Variants in HSPBAP1 observed in about 807,000 individuals in gnomAD.
HSPBAP1 encodes HSPB1-associated protein 1.
Under a neutral mutation model 45.2 loss-of-function variants are expected in HSPBAP1, and 27 were observed. The ratio of observed to expected loss-of-function variants is 0.60; its 90% CI spans 0.44 to 0.82. The LOEUF (loss-of-function observed/expected upper bound fraction) is 0.82. HSPBAP1 is among the 40% of genes least tolerant of loss of function. The pLI, the probability that HSPBAP1 is intolerant of heterozygous loss-of-function variation, is 0.00. For synonymous variants in HSPBAP1, 204 were observed against 202.7 expected, an observed-to-expected ratio of 1.01 and a Z score of -0.06; for missense variants, 510 against 590.9, an observed-to-expected ratio of 0.86 and a Z score of 1.42.
intron 3 of HSPBAP1, among the ~76,000 whole-genome samples, chr3:122,762,869 C>T (rs1001230996): frequency 9.2e-5 from 14 of 152,092 alleles, no homozygotes; most frequent in African/African-American, 3.1e-4. Flanking sequence ...TTATAAATGT[C>T]AATTAAATCA....
chr3:122,766,906 A>C (rs1305813865), intron 3 of HSPBAP1, among the ~76,000 whole-genome samples: 2 of 152,238 alleles, frequency 1.3e-5, no homozygotes, highest in Non-Finnish European at 2.9e-5. Flanking sequence ...AAATTCCCCC[A>C]AAAAGTAAGT....
Position 122,793,608 on chromosome 3 carries a change from G to A in HSPBAP1, c.64+9C>T, listed in dbSNP as rs376849663. 2 of 1,613,426 alleles carry A rather than the reference G, an allele frequency of 1.2e-6. No individual in the cohort carries two copies. The highest frequency in any genetic ancestry group is 1.7e-6 in the Non-Finnish European group (2 of 1,179,660). ...TGTACTCAGGGTCGGACCTCAGCCT[G>A]GCACCTACCTTCCTCCCCTCCAGCC... On this transcript the variant is annotated intron_variant, in intron 1 of 7. Coordinates refer to ENST00000306103, the MANE Select transcript of HSPBAP1 (RefSeq NM_024610.6).
intron 6 of HSPBAP1, among the ~76,000 whole-genome samples, chr3:122,750,401 T>C (rs910526769): frequency 2.0e-5 from 3 of 152,234 alleles, no homozygotes; most frequent in Admixed American, 1.3e-4. Flanking sequence ...GTCTGATGAT[T>C]GGGTGTCATG....
intron 2 of HSPBAP1, 36 bp from the exon 3 acceptor site, chr3:122,768,918 T>TTTAAG: frequency 8.0e-7 from 1 of 1,253,018 alleles, no homozygotes. Context: ...AAATGTATAA[T>TTTAAG]GAACACATTT....
At chr3:122,756,850 T>G (rs567909751) in intron 4 of HSPBAP1, among the ~76,000 whole-genome samples, 3 of 152,200 alleles carry the variant, frequency 2.0e-5, no homozygotes, top group Admixed American at 6.5e-5. Flanking sequence ...TCCATTCCAC[T>G]GTATGATTAG....
At chr3:122,746,352 A>C (rs532419228) in intron 6 of HSPBAP1, among the ~76,000 whole-genome samples, 72 of 152,040 alleles carry the variant, frequency 4.7e-4, no homozygotes, top group South Asian at 8.3e-4. Context: ...CACATTAAAA[A>C]AACAGAGGCA....
At chr3:122,772,585 T>C (rs1935039417) in intron 2 of HSPBAP1, among the ~76,000 whole-genome samples, 1 of 151,996 alleles carries the variant, frequency 6.6e-6, no homozygotes, top group African/African-American at 2.4e-5. Flanking sequence ...ATTTAGCTAT[T>C]TGTGTAAAAA....
intron 3 of HSPBAP1, 123 bp from the exon 4 acceptor site, chr3:122,759,483 A>G: frequency 1.8e-6 from 2 of 1,088,050 alleles, no homozygotes; most frequent in Non-Finnish European, 2.7e-6. Context: ...GGAAAATGCT[A>G]CAGATGGAAG....
chr3:122,743,051 T>G (rs970763188), intron 6 of HSPBAP1, among the ~76,000 whole-genome samples: 3 of 152,174 alleles, frequency 2.0e-5, no homozygotes, highest in Admixed American at 2.0e-4. Context: ...GAAGATACAG[T>G]CAGATAACCA....
At position 122,768,702 on chromosome 3, in the gene HSPBAP1, T is replaced by C. The variant is rs771210564; in HGVS notation, c.431A>G (p.Gln144Arg). 1.9e-6 allele frequency: 3 copies of C among 1,604,742 alleles called. No homozygotes were observed. The African/African-American group carries it at 4.0e-5, about 21-fold the overall frequency. ...ATTAGAAGGAAGGTTCTGACTTACC[T>C]GGAAAAGATCTGTCTTGTCTTCAAA... ...SLFEDKTDLFQDVKWSDFGFP... is the reference protein window; with the variant it reads ...SLFEDKTDLFRDVKWSDFGFP... Residue 144 changes from glutamine (Q) to arginine (R), a missense_variant and splice_region_variant, in exon 3 of 8, where the codon CAG (glutamine) becomes CGG (arginine). Coordinates refer to ENST00000306103, the MANE Select transcript of HSPBAP1 (RefSeq NM_024610.6).
chr3:122,741,000 T>C lies in HSPBAP1; in HGVS notation c.936+3A>G, dbSNP rs1301086259. Reference sequence around the variant, plus strand: ...GCCATGATGAAGACCAGAAGCCGCCTACCTCAGTGGGGTTTAACCAGGCTC... The same window carrying C: ...GCCATGATGAAGACCAGAAGCCGCCCACCTCAGTGGGGTTTAACCAGGCTC... On this transcript the variant is annotated splice_donor_region_variant and intron_variant, in intron 7 of 7. Transcript: ENST00000306103. The C allele has an allele frequency of 6.2e-7, 1 of 1,613,204 alleles. No homozygotes were observed. Among genetic ancestry groups the C allele is most frequent in the South Asian group, 1.1e-5 (1 of 91,068 alleles).
chr3:122,789,699 C>CTTGT (rs2107545795), intron 1 of HSPBAP1, among the ~76,000 whole-genome samples: 1 of 152,254 alleles, frequency 6.6e-6, no homozygotes, highest in African/African-American at 2.4e-5. Context: ...AAACTAAGCA[C>CTTGT]TTGTTTTCTC....
In HSPBAP1 at chr3:122,740,426, C is replaced by G; in HGVS notation, c.1386G>C (p.Thr462=). The G allele has an allele frequency of 6.2e-7, 1 of 1,612,938 alleles. No homozygotes were observed. The highest frequency in any genetic ancestry group is 1.1e-5 in the South Asian group (1 of 91,056). ...TCACCAAGCAGTCCAGCAAGTCATC[C>G]GTAGAAATGAATGTTTGAGGAGTCG... is the stretch of plus-strand genomic sequence containing the variant. ...TTTTPQTFIS[T]DDLLDCLVNP... Residue 462 remains threonine, a synonymous_variant, in exon 8 of 8, where the codon ACG becomes ACC. Transcript: ENST00000306103.
At chr3:122,747,651 C>T (rs369478366) in intron 6 of HSPBAP1, among the ~76,000 whole-genome samples, 19 of 131,256 alleles carry the variant, frequency 1.4e-4, no homozygotes, top group East Asian at 9.1e-4. Context: ...GCCCCCCGCC[C>T]GGCCAGCCGC....
chr3:122,740,990 A>T lies in HSPBAP1; in HGVS notation c.936+13T>A, dbSNP rs201848342. On this transcript the variant is annotated intron_variant, in intron 7 of 7. Coordinates refer to ENST00000306103, the MANE Select transcript of HSPBAP1 (RefSeq NM_024610.6). The stretch of plus-strand genomic sequence containing the variant: ...GAAACTAACTGCCATGATGAAGACC[A>T]GAAGCCGCCTACCTCAGTGGGGTTT... 286 of 1,611,990 alleles carry T rather than the reference A, an allele frequency of 1.8e-4. No homozygotes were observed. Among genetic ancestry groups the T allele is most frequent in the Non-Finnish European group, 2.3e-4 (269 of 1,177,966 alleles).
chr3:122,793,747 G>A lies in HSPBAP1; in HGVS notation c.-67C>T. 1 of 1,475,530 alleles carries A rather than the reference G, an allele frequency of 6.8e-7. No homozygotes were observed. The highest frequency in any genetic ancestry group is 9.4e-7 in the Non-Finnish European group (1 of 1,060,704). The allele number at this position is 1,475,530 out of a possible 1,614,324, so 91.4% of individuals were successfully genotyped here. A position where few individuals can be genotyped will look rare whatever the true frequency, so the allele number is the denominator to read the frequency against. On this transcript the variant is annotated 5_prime_UTR_variant, in exon 1 of 8. Coordinates refer to ENST00000306103, the MANE Select transcript of HSPBAP1 (RefSeq NM_024610.6). ...GGAGCTGGGGTGGGGTCAGAGTAGG[G>A]GCCAAACTCCGAGACCCGAAGCTGC...
intron 5 of HSPBAP1, chr3:122,754,432 C>A: frequency 3.3e-6 from 2 of 613,972 alleles, no homozygotes; most frequent in Non-Finnish European, 4.1e-6. Context: ...CCAGAATGGG[C>A]AAATCTAGAG....
In HSPBAP1 at chr3:122,740,879, AG is replaced by A. The variant is rs761470069; in HGVS notation, c.937-5del. On this transcript the variant is annotated splice_region_variant and splice_polypyrimidine_tract_variant and intron_variant, in intron 7 of 7. Coordinates refer to ENST00000306103, the MANE Select transcript of HSPBAP1 (RefSeq NM_024610.6). ...CTGCATGGGACGTTTCCTCAACCTA[AG>A]GGAAGAGAAAAACCTTTTAAAATGG... is the stretch of plus-strand genomic sequence containing the variant. 14 of 1,612,658 alleles carry A rather than the reference AG, an allele frequency of 8.7e-6. No individual in the cohort carries two copies. Among genetic ancestry groups the A allele is most frequent in the Non-Finnish European group, 1.7e-6 (2 of 1,179,310 alleles).
At chr3:122,774,399 T>A (rs1342284870) in intron 2 of HSPBAP1, among the ~76,000 whole-genome samples, 1 of 152,106 alleles carries the variant, frequency 6.6e-6, no homozygotes, top group African/African-American at 2.4e-5. Flanking sequence ...CACAGGGAAC[T>A]ACATACACAT....
Sources: gnomAD v4.1 joint callset for allele counts (sites outside exome capture counted in the v4.1 genomes callset) on GRCh38, gnomAD v4.1.1 for gene constraint, MANE v1.5 for transcripts, NCBI Gene and HGNC (gene_info 2026-07-23, HGNC 2026-07-21) for gene names.